TRIM71: variants seen among roughly 807,000 people sequenced by gnomAD.
TRIM71 encodes E3 ubiquitin-protein ligase TRIM71.
TRIM71 carries 9 observed loss-of-function variants against 61.2 expected under a neutral mutation model. The observed-to-expected ratio is 0.15, with a 90% CI of 0.09 to 0.26. The LOEUF (loss-of-function observed/expected upper bound fraction) is 0.26. Among genes scored for constraint, TRIM71 ranks in the 10% least tolerant of loss-of-function variants. TRIM71 has a pLI of 1.00. For synonymous variants in TRIM71, 645 were observed against 553.2 expected (o/e 1.17, Z -2.33); for missense variants, 998 against 1,238.7 (o/e 0.81, Z 2.92).
rs1439053491 is a variant in TRIM71, at chr3:32,896,313, G to C, written c.*4502G>C. ...TCATGATTGTATTTGTAGCTCTCTG[G>C]ACCCGGCAGGACGTTCATCACCATG... On this transcript the variant is annotated 3_prime_UTR_variant, in exon 4 of 4. Coordinates refer to ENST00000383763, the MANE Select transcript of TRIM71 (RefSeq NM_001039111.3). 1.3e-5 allele frequency: 2 copies of C among 152,190 alleles called. No homozygotes were observed. Among genetic ancestry groups the C allele is most frequent in the Non-Finnish European group, 2.9e-5 (2 of 68,026 alleles). 9.4% of individuals were successfully genotyped at this position (152,190 alleles called of 1,614,324 possible).
intron 1 of TRIM71, among the ~76,000 whole-genome samples, chr3:32,827,728 C>T (rs1386124581): frequency 6.6e-6 from 1 of 152,014 alleles, no homozygotes; most frequent in Non-Finnish European, 1.5e-5. Flanking sequence ...GTTCTGACAC[C>T]CTGTGAATTC....
chr3:32,868,002 G>A (rs759669165), intron 1 of TRIM71, among the ~76,000 whole-genome samples: 6 of 151,904 alleles, frequency 3.9e-5, no homozygotes, highest in Non-Finnish European at 7.4e-5. Context: ...AAGCAGCCCC[G>A]CTTAATCTTA....
intron 1 of TRIM71, among the ~76,000 whole-genome samples, chr3:32,857,277 GTCC>G (rs1251558317): frequency 6.6e-6 from 1 of 152,182 alleles, no homozygotes; most frequent in Non-Finnish European, 1.5e-5. Flanking sequence ...TTCCACCTCA[GTCC>G]TCCTGGGTCT....
intron 1 of TRIM71, among the ~76,000 whole-genome samples, chr3:32,847,900 A>C (rs1438640534): frequency 6.6e-6 from 1 of 152,208 alleles, no homozygotes. Context: ...AGGCAATAAA[A>C]ATTTCAAATG....
At chr3:32,865,095 C>A (rs1275991319) in intron 1 of TRIM71, among the ~76,000 whole-genome samples, 3 of 152,076 alleles carry the variant, frequency 2.0e-5, no homozygotes, top group Admixed American at 2.0e-4. Flanking sequence ...TTTGGGAGGC[C>A]GAGGCAGTCG....
Position 32,881,036 on chromosome 3 carries a change from T to G in TRIM71, c.1021-4898T>G, listed in dbSNP as rs1696902428. ...ATATATGTATATATATATATTTTTT[T>G]GAGGTGGAGTCTCACTCTGTTGCCC... On this transcript the variant is annotated intron_variant, in intron 2 of 3. Coordinates refer to ENST00000383763, the MANE Select transcript of TRIM71 (RefSeq NM_001039111.3). Among the ~76,000 whole-genome samples the G allele has an allele frequency of 2.0e-5, 3 of 152,236 alleles. No individual in the cohort carries two copies. In the South Asian group the frequency reaches 6.2e-4, roughly 32 times the overall value.
chr3:32,879,153 C>A lies in TRIM71; in HGVS notation c.1020+5168C>A, dbSNP rs569894974. On this transcript the variant is annotated intron_variant, in intron 2 of 3. Coordinates refer to ENST00000383763, the MANE Select transcript of TRIM71 (RefSeq NM_001039111.3). ...TGCAGCTTCCTCATCTCTCACCCTT[C>A]ATAGCATTGAAGAGTTAGGTCCCTG... 3.9e-5 allele frequency among the ~76,000 whole-genome samples: 6 copies of A among 152,350 alleles called. No individual in the cohort carries two copies. The South Asian group carries it at 1.2e-3, about 32-fold the overall frequency.
rs550042497 is a variant in TRIM71, at chr3:32,897,022, G to A, written c.*5211G>A. ...TTCTCCTAAAATCGATGCAGGTAAG[G>A]GTGGGTGGGTAAGGGGTGTTGTTTT... On this transcript the variant is annotated 3_prime_UTR_variant, in exon 4 of 4. Coordinates refer to ENST00000383763, the MANE Select transcript of TRIM71 (RefSeq NM_001039111.3). 6.6e-6 allele frequency: 1 copy of A among 150,640 alleles called. No homozygotes were observed. Among genetic ancestry groups the A allele is most frequent in the African/African-American group, 2.4e-5 (1 of 40,820 alleles). 9.3% of individuals were successfully genotyped at this position (150,640 alleles called of 1,614,324 possible). A position where few individuals can be genotyped will look rare whatever the true frequency, so the allele number is the denominator to read the frequency against.
At position 32,891,949 on chromosome 3, in the gene TRIM71, AAG is replaced by A. The variant is rs1697031840; in HGVS notation, c.*142_*143del. 1 of 1,234,234 alleles carries A rather than the reference AAG, an allele frequency of 8.1e-7. No individual in the cohort carries two copies. The highest frequency in any genetic ancestry group is 1.1e-6 in the Non-Finnish European group (1 of 923,672). 76.5% of individuals were successfully genotyped at this position (1,234,234 alleles called of 1,614,324 possible). A position where few individuals can be genotyped will look rare whatever the true frequency, so the allele number is the denominator to read the frequency against. On this transcript the variant is annotated 3_prime_UTR_variant, in exon 4 of 4. Transcript: ENST00000383763. The surrounding 1 kb of genome is among the most constrained non-coding windows in gnomAD (Gnocchi z 8.2). Reference sequence around the variant, plus strand: ...ATTTCTTTTTTCTTTTTTTTTTTTAAAGAGAACAAGAAAAGTACAACATTGCT... The same window carrying A: ...ATTTCTTTTTTCTTTTTTTTTTTTAAAGAACAAGAAAAGTACAACATTGCT...
chr3:32,840,703 A>G (rs970574188), intron 1 of TRIM71, among the ~76,000 whole-genome samples: 2 of 152,076 alleles, frequency 1.3e-5, no homozygotes, highest in Non-Finnish European at 2.9e-5. Flanking sequence ...GGGCAGGAGG[A>G]ATTCCTCCCT....
chr3:32,861,145 A>AG (rs1367855450), intron 1 of TRIM71, among the ~76,000 whole-genome samples: 2 of 151,658 alleles, frequency 1.3e-5, no homozygotes. Flanking sequence ...ATTGTACTCC[A>AG]GCCAGAGCAA....
intron 1 of TRIM71, among the ~76,000 whole-genome samples, chr3:32,863,440 A>G (rs1696696596): frequency 6.6e-6 from 1 of 151,952 alleles, no homozygotes; most frequent in Non-Finnish European, 1.5e-5. Context: ...GATGATTTAT[A>G]TATACCTGTG....
At position 32,818,559 on chromosome 3, in the gene TRIM71, C is replaced by A; in HGVS notation, c.479C>A (p.Ala160Glu). The A allele has an allele frequency of 1.6e-6, 2 of 1,260,496 alleles. No individual in the cohort carries two copies. Among genetic ancestry groups the A allele is most frequent in the Non-Finnish European group, 2.0e-6 (2 of 1,010,310 alleles). 78.1% of individuals were successfully genotyped at this position (1,260,496 alleles called of 1,614,324 possible). The change falls in exon 1 of 4, where the codon GCG becomes GAG. Residue 160 changes from alanine (A) to glutamate (E), a missense_variant. Coordinates refer to ENST00000383763, the MANE Select transcript of TRIM71 (RefSeq NM_001039111.3). ...RHHAHHAHPR[A>E]SASAPPLPQA... is the part of the protein sequence containing the mutation. The stretch of plus-strand genomic sequence containing the variant: ...CACGCTCACCACGCGCACCCGCGCG[C>A]GTCCGCCTCCGCGCCGCCACTCCCG...
intron 1 of TRIM71, among the ~76,000 whole-genome samples, chr3:32,867,457 A>G (rs533601575): frequency 4.6e-5 from 7 of 152,250 alleles, no homozygotes; most frequent in African/African-American, 1.2e-4. Context: ...GTATATATAC[A>G]TACATATTTT....
At chr3:32,844,852 T>C (rs1003326437) in intron 1 of TRIM71, among the ~76,000 whole-genome samples, 324 of 152,306 alleles carry the variant, frequency 2.1e-3, no homozygotes, top group African/African-American at 7.5e-3. Flanking sequence ...GTGGAGACAT[T>C]GTATTTCTAA....
At chr3:32,839,024 C>T (rs1431578304) in intron 1 of TRIM71, among the ~76,000 whole-genome samples, 2 of 151,810 alleles carry the variant, frequency 1.3e-5, no homozygotes, top group African/African-American at 4.8e-5. Context: ...TGGTCTTGAA[C>T]TCCTGACCTC....
intron 1 of TRIM71, among the ~76,000 whole-genome samples, chr3:32,869,782 C>T (rs942257010): frequency 1.3e-5 from 2 of 152,132 alleles, no homozygotes; most frequent in Admixed American, 6.5e-5. Flanking sequence ...ATGGGTGGGA[C>T]GTTCTGGAAG....
At chr3:32,874,053 A>G (rs1345003419) in intron 2 of TRIM71, 68 bp downstream of exon 2, 8 of 1,504,392 alleles carry the variant, frequency 5.3e-6, no homozygotes, top group African/African-American at 1.4e-5. Context: ...GGTGGCATGG[A>G]CAGACAATTG....
At position 32,818,235 on chromosome 3, in the gene TRIM71, C is replaced by G. The variant is rs761988281; in HGVS notation, c.155C>G (p.Ala52Gly). ...SGGGGGGPGAAARRLHVLPCL... is the reference protein window; with the variant it reads ...SGGGGGGPGAGARRLHVLPCL... ...GGCGGCGGCGGGGGCCCTGGGGCGG[C>G]GGCGCGCCGCCTACACGTCCTGCCC... Residue 52 changes from alanine to glycine, a missense_variant, in exon 1 of 4, where the codon GCG (alanine) becomes GGG (glycine). Coordinates refer to ENST00000383763, the MANE Select transcript of TRIM71 (RefSeq NM_001039111.3). 8.7e-6 allele frequency: 13 copies of G among 1,495,540 alleles called. No individual in the cohort carries two copies. Among genetic ancestry groups the G allele is most frequent in the Non-Finnish European group, 1.1e-5 (13 of 1,133,046 alleles). The allele number at this position is 1,495,540 out of a possible 1,614,324, so 92.6% of individuals were successfully genotyped here. A position where few individuals can be genotyped will look rare whatever the true frequency, so the allele number is the denominator to read the frequency against.
Sources: allele counts gnomAD v4.1 joint callset (sites outside exome capture counted in the v4.1 genomes callset), GRCh38; gene constraint gnomAD v4.1.1; non-coding constraint Gnocchi (gnomAD v3.1); transcripts MANE v1.5; gene names NCBI Gene and HGNC (gene_info 2026-07-23, HGNC 2026-07-21).